ENTPD4: variants seen among roughly 807,000 people sequenced by gnomAD.
ENTPD4 encodes the protein Golgi UDPase.
Under a neutral mutation model 79.1 loss-of-function variants are expected in ENTPD4, and 60 were observed. That is an observed-to-expected ratio of 0.76 (90% confidence interval 0.62 to 0.94). The LOEUF is 0.94. Among genes scored for constraint, ENTPD4 ranks in the 40% least tolerant of loss-of-function variants. The probability of loss-of-function intolerance (pLI) is 0.00; values close to 1 mark genes in which losing one functional copy is unlikely to be tolerated. For missense variants in ENTPD4, 772 were observed against 775.1 expected (o/e 1.00, Z 0.05); for synonymous variants, 276 against 292.0 (o/e 0.95, Z 0.56).
In ENTPD4 at chr8:23,432,997, G is replaced by T. The variant is rs773595870; in HGVS notation, c.1780C>A (p.Arg594=). The T allele has an allele frequency of 7.8e-5, 126 of 1,613,722 alleles. No individual in the cohort carries two copies. In the East Asian group the frequency reaches 2.8e-3, roughly 36 times the overall value. Residue 594 remains arginine, a synonymous_variant, in exon 13 of 13, where the codon CGG becomes AGG. Coordinates refer to ENST00000358689, the MANE Select transcript of ENTPD4 (RefSeq NM_004901.5). ...CAGAGGGCGGCGGCCGAGCTGCTCC[G>T]GGGAGTGCGCCTGTGGATGCGCCGC... ...RLRRIHRRTP[R]SSSAAALWME...
At position 23,432,786 on chromosome 8, in the gene ENTPD4, C is replaced by CCGCGCT; in HGVS notation, c.*134_*139dup. 7.0e-7 allele frequency: 1 copy of CCGCGCT among 1,435,468 alleles called. No individual in the cohort carries two copies. The highest frequency in any genetic ancestry group is 9.1e-7 in the Non-Finnish European group (1 of 1,098,970). The allele number at this position is 1,435,468 out of a possible 1,614,324, so 88.9% of individuals were successfully genotyped here. A position where few individuals can be genotyped will look rare whatever the true frequency, so the allele number is the denominator to read the frequency against. On this transcript the variant is annotated 3_prime_UTR_variant, in exon 13 of 13. Coordinates refer to ENST00000358689, the MANE Select transcript of ENTPD4 (RefSeq NM_004901.5). ...GTGCTGGGATTACAGGCGTGAGCCA[C>CCGCGCT]CGCGCTCGGCCTGCATTTTGTTTTT...
Position 23,430,175 on chromosome 8 carries a change from T to C in ENTPD4, c.*2751A>G. 5.1e-6 allele frequency: 5 copies of C among 985,494 alleles called. No homozygotes were observed. The highest frequency in any genetic ancestry group is 6.0e-6 in the Non-Finnish European group (5 of 829,944). 61.0% of individuals were successfully genotyped at this position (985,494 alleles called of 1,614,324 possible). A position where few individuals can be genotyped will look rare whatever the true frequency, so the allele number is the denominator to read the frequency against. Reference sequence around the variant, plus strand: ...GTATCTCTTAGAGAAAGCACCTGGCTGTCTTCACCTACGCGAGACCTTCTC... The same window carrying C: ...GTATCTCTTAGAGAAAGCACCTGGCCGTCTTCACCTACGCGAGACCTTCTC... On this transcript the variant is annotated 3_prime_UTR_variant, in exon 13 of 13. Coordinates refer to ENST00000358689, the MANE Select transcript of ENTPD4 (RefSeq NM_004901.5).
In ENTPD4 at chr8:23,431,728, A is replaced by T. The variant is rs1237004250; in HGVS notation, c.*1198T>A. ...AAACACCAATTGGAAGCTGGAAGAA[A>T]CTGAGGCACGATTAAGCAGAAACAC... On this transcript the variant is annotated 3_prime_UTR_variant, in exon 13 of 13. Transcript: ENST00000358689. 1.0e-6 allele frequency: 1 copy of T among 985,418 alleles called. No individual in the cohort carries two copies. The highest frequency in any genetic ancestry group is 6.1e-5 in the Admixed American group (1 of 16,266). The allele number at this position is 985,418 out of a possible 1,614,324, so 61.0% of individuals were successfully genotyped here. A position where few individuals can be genotyped will look rare whatever the true frequency, so the allele number is the denominator to read the frequency against.
At chr8:23,450,688 T>TC (rs1237171888) in intron 1 of ENTPD4, among the ~76,000 whole-genome samples, 3 of 152,232 alleles carry the variant, frequency 2.0e-5, no homozygotes, top group Non-Finnish European at 4.4e-5. Context: ...CTCTTATGTT[T>TC]CCAGGCTCTC....
intron 9 of ENTPD4, 143 bp from the exon 10 acceptor site, chr8:23,437,401 G>A (rs948441588): frequency 2.2e-5 from 14 of 622,670 alleles, no homozygotes; most frequent in Admixed American, 9.8e-5. Context: ...AAAGGGTTCC[G>A]AGATAATTAG....
intron 5 of ENTPD4, 86 bp downstream of exon 5, chr8:23,444,370 G>T: frequency 8.9e-7 from 1 of 1,126,068 alleles, no homozygotes; most frequent in Non-Finnish European, 1.3e-6. Flanking sequence ...GATGATGATG[G>T]AGAGGAGAAG....
In ENTPD4 at chr8:23,439,970, TAAAAAG is replaced by T. The variant is rs1055782745; in HGVS notation, c.883-61_883-56del. 92 of 1,503,162 alleles carry T rather than the reference TAAAAAG, an allele frequency of 6.1e-5. No individual in the cohort carries two copies. In the Admixed American group the frequency reaches 1.4e-3, roughly 23 times the overall value. The allele number at this position is 1,503,162 out of a possible 1,614,324, so 93.1% of individuals were successfully genotyped here. A position where few individuals can be genotyped will look rare whatever the true frequency, so the allele number is the denominator to read the frequency against. The stretch of plus-strand genomic sequence containing the variant: ...AGCTTAAGCTACTTTAGCCTCCTAC[TAAAAAG>T]AAAAGTCTAAAAATAGTCTCATCTA... On this transcript the variant is annotated intron_variant, in intron 8 of 12. Transcript: ENST00000358689.
Position 23,435,342 on chromosome 8 carries a change from C to A in ENTPD4, c.1460+50G>T, listed in dbSNP as rs757988124. 2.9e-6 allele frequency: 4 copies of A among 1,356,622 alleles called. No homozygotes were observed. The South Asian group carries it at 3.6e-5, about 12-fold the overall frequency. The allele number at this position is 1,356,622 out of a possible 1,614,324, so 84.0% of individuals were successfully genotyped here. On this transcript the variant is annotated intron_variant, in intron 11 of 12. Transcript: ENST00000358689. ...GTGTGGCAAGCCAGTGGGGCCAACA[C>A]TGCATTATGGTTCTTAAGAGTGCCC...
chr8:23,453,742 A>G lies in ENTPD4; in HGVS notation c.-97-3745T>C, dbSNP rs374133732. Among the ~76,000 whole-genome samples the G allele has an allele frequency of 5.3e-5, 8 of 152,252 alleles. 1 individual carries two copies. The highest frequency in any genetic ancestry group is 1.9e-4 in the African/African-American group (8 of 41,544). On this transcript the variant is annotated intron_variant, in intron 1 of 12. Coordinates refer to ENST00000358689, the MANE Select transcript of ENTPD4 (RefSeq NM_004901.5). ...ACTGGGGTGACACACACGAACACTT[A>G]TGCATGCCTATCCTCTGCTCTACCC...
chr8:23,429,835 A>T lies in ENTPD4; in HGVS notation c.*3091T>A. The T allele has an allele frequency of 2.0e-6, 2 of 985,442 alleles. No individual in the cohort carries two copies. Among genetic ancestry groups the T allele is most frequent in the Non-Finnish European group, 2.4e-6 (2 of 829,934 alleles). The allele number at this position is 985,442 out of a possible 1,614,324, so 61.0% of individuals were successfully genotyped here. ...GGAGCTTAGGATGAACATGGGCAAAAAGCACTGGTACAGTTCCATGTGTTT... is the reference window on the plus strand; with the variant it reads ...GGAGCTTAGGATGAACATGGGCAAATAGCACTGGTACAGTTCCATGTGTTT... On this transcript the variant is annotated 3_prime_UTR_variant, in exon 13 of 13. Transcript: ENST00000358689.
At position 23,437,205 on chromosome 8, in the gene ENTPD4, C is replaced by G; in HGVS notation, c.1103G>C (p.Cys368Ser). 6.2e-7 allele frequency: 1 copy of G among 1,614,044 alleles called. No homozygotes were observed. The highest frequency in any genetic ancestry group is 8.5e-7 in the Non-Finnish European group (1 of 1,179,964). Residue 368 changes from cysteine to serine, a missense_variant, in exon 10 of 13, where the codon TGC becomes TCC. Physicochemically the swap from Cys to Ser is moderately radical, Grantham distance 112. Coordinates refer to ENST00000358689, the MANE Select transcript of ENTPD4 (RefSeq NM_004901.5). ...LTPDMPYLDP[C>S]LPLDIKDEIQ... The stretch of plus-strand genomic sequence containing the variant: ...TTCATCTTTAATGTCTAGGGGTAGG[C>G]AGGGGTCCAAGTACGGCATATCAGG...
At chr8:23,450,767 T>C (rs1333538674) in intron 1 of ENTPD4, among the ~76,000 whole-genome samples, 2 of 152,184 alleles carry the variant, frequency 1.3e-5, no homozygotes, top group Admixed American at 6.5e-5. Flanking sequence ...CTCAAATTTT[T>C]CTTTCTCCAC....
chr8:23,450,595 C>G (rs1800841752), intron 1 of ENTPD4, among the ~76,000 whole-genome samples: 1 of 152,204 alleles, frequency 6.6e-6, no homozygotes. Context: ...CTCAAGACAG[C>G]TGTCTCGTCT....
At position 23,430,351 on chromosome 8, in the gene ENTPD4, A is replaced by C; in HGVS notation, c.*2575T>G. 1.0e-6 allele frequency: 1 copy of C among 985,454 alleles called. No individual in the cohort carries two copies. The highest frequency in any genetic ancestry group is 1.2e-6 in the Non-Finnish European group (1 of 829,944). The allele number at this position is 985,454 out of a possible 1,614,324, so 61.0% of individuals were successfully genotyped here. ...AAATAATCTAGACGGAAAAATCCGA[A>C]GTGAAATTCTGGTGCAACAAATATT... On this transcript the variant is annotated 3_prime_UTR_variant, in exon 13 of 13. Coordinates refer to ENST00000358689, the MANE Select transcript of ENTPD4 (RefSeq NM_004901.5).
intron 9 of ENTPD4, among the ~76,000 whole-genome samples, chr8:23,438,781 C>CT (rs1800614938): frequency 1.3e-5 from 2 of 152,176 alleles, no homozygotes; most frequent in Non-Finnish European, 2.9e-5. Flanking sequence ...TAAAACTATT[C>CT]AGTTAACTTT....
rs1052428794 is a variant in ENTPD4, at chr8:23,444,495, T to C, written c.524A>G (p.Tyr175Cys). The change falls in exon 5 of 13, where the codon TAC becomes TGC. Residue 175 changes from tyrosine (Y) to cysteine (C), a missense_variant. Physicochemically the swap from Tyr to Cys is radical, Grantham distance 194. Coordinates refer to ENST00000358689, the MANE Select transcript of ENTPD4 (RefSeq NM_004901.5). ...PRAKHKETPL[Y>C]ILCTAGMRIL... ...TCTCATTCCAGCCGTGCAGAGAATGTAGAGAGGTGTCTCTTTGTGTTTTGC... is the reference window on the plus strand; with the variant it reads ...TCTCATTCCAGCCGTGCAGAGAATGCAGAGAGGTGTCTCTTTGTGTTTTGC... The C allele has an allele frequency of 1.2e-6, 2 of 1,614,228 alleles. No individual in the cohort carries two copies. The highest frequency in any genetic ancestry group is 1.7e-6 in the Non-Finnish European group (2 of 1,180,038).
At chr8:23,434,056 C>T (rs2117274467) in intron 12 of ENTPD4, 1 of 443,630 alleles carries the variant, frequency 2.3e-6, no homozygotes, top group Non-Finnish European at 4.1e-6. Flanking sequence ...TTTGCCGGGG[C>T]TGGGGAACAG....
Position 23,433,007 on chromosome 8 carries a change from C to T in ENTPD4, c.1770G>A (p.Arg590=). The T allele has an allele frequency of 1.2e-6, 2 of 1,614,012 alleles. No homozygotes were observed. Among genetic ancestry groups the T allele is most frequent in the Non-Finnish European group, 1.7e-6 (2 of 1,179,948 alleles). ...CGGCCGAGCTGCTCCGGGGAGTGCG[C>T]CTGTGGATGCGCCGCAGCCGCAGCA... ...LYLLRLRRIH[R]RTPRSSSAAA... The change falls in exon 13 of 13, where the codon AGG becomes AGA. Residue 590 remains arginine, a synonymous_variant. Coordinates refer to ENST00000358689, the MANE Select transcript of ENTPD4 (RefSeq NM_004901.5).
chr8:23,434,936 CAAT>C (rs1391322980), intron 11 of ENTPD4, among the ~76,000 whole-genome samples: 2 of 152,108 alleles, frequency 1.3e-5, no homozygotes, highest in Admixed American at 6.5e-5. Flanking sequence ...TAATAAGATA[CAAT>C]AATTAGTAAG....
Sources: allele counts gnomAD v4.1 joint callset (sites outside exome capture counted in the v4.1 genomes callset), GRCh38; gene constraint gnomAD v4.1.1; transcripts MANE v1.5; gene names NCBI Gene and HGNC (gene_info 2026-07-23, HGNC 2026-07-21).